Variants in VIT observed in about 807,000 individuals in gnomAD.
VIT encodes vitrin.
Under a neutral mutation model 78.0 loss-of-function variants are expected in VIT, and 99 were observed. That is an observed-to-expected ratio of 1.27 (90% CI 1.08 to 1.50). VIT has a LOEUF of 1.50. Among genes scored for constraint, VIT ranks in the 40% most tolerant of loss-of-function variants. The pLI is 0.00. For missense variants in VIT, 1,126 were observed against 875.3 expected, an observed-to-expected ratio of 1.29 and a Z score of -3.61; for synonymous variants, 374 against 334.3, an observed-to-expected ratio of 1.12 and a Z score of -1.29.
At chr2:36,707,770 A>T (rs1473723714) in intron 1 of VIT, among the ~76,000 whole-genome samples, 1 of 151,700 alleles carries the variant, frequency 6.6e-6, no homozygotes, top group East Asian at 1.9e-4. Context: ...AGCCTTGTGC[A>T]TTCTTAGGAA....
At chr2:36,759,141 T>C (rs1558546292) in intron 6 of VIT, 95 bp downstream of exon 6, 1 of 1,611,146 alleles carries the variant, frequency 6.2e-7, no homozygotes, top group Non-Finnish European at 8.5e-7. Flanking sequence ...TCTTAACCGG[T>C]CAAGCTCCAC....
At chr2:36,802,318 G>A (rs908775917) in intron 13 of VIT, among the ~76,000 whole-genome samples, 8 of 152,192 alleles carry the variant, frequency 5.3e-5, no homozygotes, top group African/African-American at 1.9e-4. Context: ...ACTGGAGGGA[G>A]ACTGTCCACC....
chr2:36,733,911 A>G (rs557748015), intron 3 of VIT, among the ~76,000 whole-genome samples: 2 of 152,356 alleles, frequency 1.3e-5, no homozygotes, highest in African/African-American at 2.4e-5. Flanking sequence ...ATACCTCAAA[A>G]TATATCTTAC....
At chr2:36,727,793 G>A (rs1347755822) in intron 2 of VIT, among the ~76,000 whole-genome samples, 1 of 152,222 alleles carries the variant, frequency 6.6e-6, no homozygotes, top group Non-Finnish European at 1.5e-5. Context: ...TTACTCACAT[G>A]TGTGTGGTGA....
Position 36,776,871 on chromosome 2 carries a change from C to G in VIT, c.802+1804C>G, listed in dbSNP as rs556130644. 2.0e-5 allele frequency among the ~76,000 whole-genome samples: 3 copies of G among 151,754 alleles called. 1 individual carries two copies. The highest frequency in any genetic ancestry group is 4.4e-5 in the Non-Finnish European group (3 of 67,936). ...TTGGGAGGCCAAGGAGGGCAGATCACGAGGTCAGGAGATCGAGACCATCCC... is the reference window on the plus strand; with the variant it reads ...TTGGGAGGCCAAGGAGGGCAGATCAGGAGGTCAGGAGATCGAGACCATCCC... On this transcript the variant is annotated intron_variant, in intron 9 of 15. Coordinates refer to ENST00000379242, the MANE Select transcript of VIT (RefSeq NM_053276.4).
chr2:36,738,537 A>G (rs937458298), intron 3 of VIT, among the ~76,000 whole-genome samples: 1 of 151,994 alleles, frequency 6.6e-6, no homozygotes, highest in African/African-American at 2.4e-5. Flanking sequence ...TCATCCAATC[A>G]CTCCATCCAT....
intron 3 of VIT, among the ~76,000 whole-genome samples, chr2:36,731,528 C>T (rs1317351940): frequency 6.6e-6 from 1 of 152,168 alleles, no homozygotes; most frequent in African/African-American, 2.4e-5. Context: ...CTGCCTTGGC[C>T]TCACAAAGTG....
Position 36,808,904 on chromosome 2 carries a change from A to T in VIT, c.1822A>T (p.Lys608Ter). The change falls in exon 15 of 16, where the codon AAG becomes TAG. Residue 608 changes from lysine (K) to a stop codon, truncating the protein, a stop_gained. Coordinates refer to ENST00000379242, the MANE Select transcript of VIT (RefSeq NM_053276.4). LOFTEE classifies it high-confidence loss of function. ...GCTCTTCAAGAAGTCCAAGCCCAAC[A>T]AGAGGAAGTTAATGATCCTCATCAC... is the stretch of plus-strand genomic sequence containing the variant. ...EQLFKKSKPN[K>*]RKLMILITDG... The T allele has an allele frequency of 6.2e-7, 1 of 1,614,062 alleles. No individual in the cohort carries two copies. The highest frequency in any genetic ancestry group is 1.3e-5 in the African/African-American group (1 of 75,022).
chr2:36,743,538 A>G (rs1423248752), intron 4 of VIT, among the ~76,000 whole-genome samples: 1 of 152,152 alleles, frequency 6.6e-6, no homozygotes, highest in Non-Finnish European at 1.5e-5. Flanking sequence ...TCCTCTATAC[A>G]TAATGTGTCA....
rs6544032 is a variant in VIT at position 36,753,253 on chromosome 2, G to C, written c.276-1668G>C. Among the ~76,000 whole-genome samples, 1,143 of 152,102 alleles carry C rather than the reference G, an allele frequency of 7.5e-3. 17 individuals carry two copies. The highest frequency in any genetic ancestry group is 0.026 in the African/African-American group (1,089 of 41,460). ...AGAGCATCAGGAAGAATAACTAATG[G>C]ATGCTGGGCCGAATACCCAGGTGAT... On this transcript the variant is annotated intron_variant, in intron 4 of 15. Transcript: ENST00000379242.
chr2:36,770,371 A>G (rs1669674180), intron 7 of VIT, among the ~76,000 whole-genome samples: 1 of 152,226 alleles, frequency 6.6e-6, no homozygotes, highest in South Asian at 2.1e-4. Context: ...GGGAACTTGG[A>G]GAGGGCTCAA....
intron 6 of VIT, among the ~76,000 whole-genome samples, chr2:36,763,583 CTTTTTTTTTT>C (rs70946947): frequency 6.6e-5 from 4 of 60,426 alleles, no homozygotes; most frequent in Non-Finnish European, 9.2e-5. Flanking sequence ...TCTATCTTCC[CTTTTTTTTTT>C]TTTTTTTTTT....
chr2:36,805,647 C>A lies in VIT; in HGVS notation c.1372C>A (p.Pro458Thr), dbSNP rs1279715045. ...AAATGAGAAGCAGTATGTGGTGGAG[C>A]CCAACTTTGCAAACAAGGTAGATGA... is the stretch of plus-strand genomic sequence containing the variant. ...AENEKQYVVE[P>T]NFANKAVCRT... The change falls in exon 14 of 16, where the codon CCC (proline) becomes ACC (threonine). Residue 458 changes from proline (P) to threonine (T), a missense_variant. Transcript: ENST00000379242. 1.9e-6 allele frequency: 3 copies of A among 1,613,480 alleles called. No homozygotes were observed. The highest frequency in any genetic ancestry group is 2.5e-6 in the Non-Finnish European group (3 of 1,179,680).
intron 10 of VIT, among the ~76,000 whole-genome samples, chr2:36,782,165 T>G (rs1664803749): frequency 6.6e-6 from 1 of 152,200 alleles, no homozygotes; most frequent in Non-Finnish European, 1.5e-5. Context: ...TGCTGCGTAC[T>G]GCATTAAATA....
intron 13 of VIT, among the ~76,000 whole-genome samples, chr2:36,801,924 C>T (rs1260075888): frequency 6.6e-6 from 1 of 152,160 alleles, no homozygotes; most frequent in Non-Finnish European, 1.5e-5. Context: ...TAGCATTCTT[C>T]AGGGCAATCA....
chr2:36,811,829 C>T (rs1471048430), intron 15 of VIT, among the ~76,000 whole-genome samples: 3 of 152,116 alleles, frequency 2.0e-5, no homozygotes, highest in Non-Finnish European at 1.5e-5. Flanking sequence ...CCTGCCACCA[C>T]ACCCAGCTAA....
chr2:36,801,010 T>A (rs1380076297), intron 12 of VIT, among the ~76,000 whole-genome samples: 1 of 152,148 alleles, frequency 6.6e-6, no homozygotes, highest in Non-Finnish European at 1.5e-5. Flanking sequence ...TCATTAGCAA[T>A]ATGGGTGTTA....
intron 1 of VIT, among the ~76,000 whole-genome samples, chr2:36,711,155 C>A (rs1193947968): frequency 2.0e-5 from 3 of 152,176 alleles, no homozygotes; most frequent in Non-Finnish European, 2.9e-5. Flanking sequence ...TGGACTTGCT[C>A]TAATTTTTAC....
At chr2:36,753,051 T>C (rs1353919837) in intron 4 of VIT, among the ~76,000 whole-genome samples, 5 of 152,234 alleles carry the variant, frequency 3.3e-5, no homozygotes, top group African/African-American at 1.2e-4. Context: ...ATCATGTCCT[T>C]GGCAGGGACA....
Sources: gnomAD v4.1 joint callset for allele counts (sites outside exome capture counted in the v4.1 genomes callset) on GRCh38, gnomAD v4.1.1 for gene constraint, MANE v1.5 for transcripts, NCBI Gene and HGNC (gene_info 2026-07-23, HGNC 2026-07-21) for gene names.